The following ZNF48 variants were observed in gnomAD, a reference collection of about 807,000 sequenced individuals.
ZNF48 encodes zinc finger protein 48.
A neutral mutation model predicts 40.0 loss-of-function variants in ZNF48; 20 were observed. That is an observed-to-expected ratio of 0.50 (90% CI 0.35 to 0.73). The LOEUF is 0.73. Among genes scored for constraint, ZNF48 ranks in the 30% least tolerant of loss-of-function variants. ZNF48 has a pLI of 0.01. For missense variants in ZNF48, 726 were observed against 851.9 expected (o/e 0.85, Z 1.84); for synonymous variants, 298 against 329.7 (o/e 0.90, Z 1.04).
rs1332543196 is a variant in ZNF48, at chr16:30,400,081, C to T, written c.*974C>T. The T allele has an allele frequency of 6.6e-6, 1 of 152,184 alleles. No individual in the cohort carries two copies. Among genetic ancestry groups the T allele is most frequent in the Admixed American group, 6.5e-5 (1 of 15,272 alleles). 9.4% of individuals were successfully genotyped at this position (152,184 alleles called of 1,614,324 possible). On this transcript the variant is annotated 3_prime_UTR_variant, in exon 3 of 3. Coordinates refer to ENST00000613509, the MANE Select transcript of ZNF48 (RefSeq NM_001214909.2). ...GTGTGCTTCCCTTGCTCTCTGAGCC[C>T]ATTAAATAAAGAGGTTGTCTTGGCG...
chr16:30,391,186 T>G (rs2049939917), upstream of ZNF48, among the ~76,000 whole-genome samples: 3 of 152,126 alleles, frequency 2.0e-5, no homozygotes, highest in South Asian at 6.2e-4. Context: ...CTAGCACACA[T>G]TAGGTTTTCT....
In ZNF48 at chr16:30,381,394, T is replaced by C; in HGVS notation, c.-16+2984T>C. ...CAGCAGTGGACTCGGGAGTCCTGGA[T>C]GTTCTTCCGGTTCAGGCCACTCTCA... On this transcript the variant is annotated intron_variant, in intron 1 of 2. Coordinates refer to the ZNF48 transcript ENST00000528032. This position sits in a 1 kb window ranked among gnomAD's most constrained non-coding sequence, Gnocchi z 4.3. 1.2e-6 allele frequency: 2 copies of C among 1,613,410 alleles called. No homozygotes were observed. The highest frequency in any genetic ancestry group is 1.7e-6 in the Non-Finnish European group (2 of 1,179,882).
chr16:30,389,821 T>G (rs1318119253), intron 1 of ZNF48, among the ~76,000 whole-genome samples: 1 of 92,032 alleles, frequency 1.1e-5, no homozygotes, highest in African/African-American at 5.4e-5. Context: ...GATTAGTTTT[T>G]TTTTTTTTTT....
chr16:30,395,949 G>A lies in ZNF48; in HGVS notation c.79+76G>A, dbSNP rs1485416567. The A allele has an allele frequency of 1.5e-6, 2 of 1,374,654 alleles. No individual in the cohort carries two copies. Among genetic ancestry groups the A allele is most frequent in the Admixed American group, 2.5e-5 (1 of 40,656 alleles). The allele number at this position is 1,374,654 out of a possible 1,614,324, so 85.2% of individuals were successfully genotyped here. A position where few individuals can be genotyped will look rare whatever the true frequency, so the allele number is the denominator to read the frequency against. ...CTGCGATGCTTGGCTGTGGCCGGCC[G>A]AGATCCTGGAAGATCGGACGTGAGC... On this transcript the variant is annotated intron_variant, in intron 2 of 2. Transcript: ENST00000613509. The surrounding 1 kb of genome is among the most constrained non-coding windows in gnomAD (Gnocchi z 5.9).
Position 30,398,676 on chromosome 16 carries a change from G to A in ZNF48, c.1426G>A (p.Glu476Lys), listed in dbSNP as rs1343037254. 1 of 1,613,218 alleles carries A rather than the reference G, an allele frequency of 6.2e-7. No individual in the cohort carries two copies. Among genetic ancestry groups the A allele is most frequent in the East Asian group, 2.2e-5 (1 of 44,774 alleles). ...LVKHHRVHTGEKPYLCPECGK... is the reference protein window; with the variant it reads ...LVKHHRVHTGKKPYLCPECGK... Reference sequence around the variant, plus strand: ...GAAACACCATCGTGTGCACACAGGGGAGAAACCCTACCTCTGTCCTGAATG... The same window carrying A: ...GAAACACCATCGTGTGCACACAGGGAAGAAACCCTACCTCTGTCCTGAATG... The change falls in exon 3 of 3, where the codon GAG becomes AAG. Residue 476 changes from glutamate (E) to lysine (K), a missense_variant. Around this residue, in one of 5 missense-constraint regions of ZNF48, gnomAD observed 25 missense variants for 51.5 expected, o/e 0.49. Coordinates refer to ENST00000613509, the MANE Select transcript of ZNF48 (RefSeq NM_001214909.2). The surrounding 1 kb of genome is among the most constrained non-coding windows in gnomAD (Gnocchi z 6.6).
At chr16:30,387,996 T>C (rs2151114321) in intron 1 of ZNF48, among the ~76,000 whole-genome samples, 1 of 151,614 alleles carries the variant, frequency 6.6e-6, no homozygotes, top group South Asian at 2.1e-4. Context: ...GAGGGAGTTT[T>C]TCTCTTGTTG....
At position 30,382,043 on chromosome 16, in the gene ZNF48, G is replaced by A; in HGVS notation, c.-16+3633G>A. 6.3e-7 allele frequency: 1 copy of A among 1,586,538 alleles called. No homozygotes were observed. The highest frequency in any genetic ancestry group is 8.6e-7 in the Non-Finnish European group (1 of 1,163,212). ...GTCCCCAGATGGAAAAGACTAGGGT[G>A]TAACCTGGGGACAGGGGCTACTGCC... On this transcript the variant is annotated intron_variant, in intron 1 of 2. Coordinates refer to the ZNF48 transcript ENST00000528032. The surrounding 1 kb of genome is among the most constrained non-coding windows in gnomAD (Gnocchi z 4.8).
chr16:30,382,189 G>C lies in ZNF48; in HGVS notation c.-16+3779G>C, dbSNP rs779405190. The C allele has an allele frequency of 1.2e-6, 2 of 1,612,236 alleles. No individual in the cohort carries two copies. Among genetic ancestry groups the C allele is most frequent in the Non-Finnish European group, 1.7e-6 (2 of 1,179,080 alleles). On this transcript the variant is annotated intron_variant, in intron 1 of 2. Coordinates refer to the ZNF48 transcript ENST00000528032. The surrounding 1 kb of genome is among the most constrained non-coding windows in gnomAD (Gnocchi z 4.8). ...CCTAGGCCTGACTCCCCTGTGGACA[G>C]AACAGGCCCAACTGGTCAGGGGAGG...
chr16:30,398,265 G>C lies in ZNF48; in HGVS notation c.1015G>C (p.Gly339Arg), dbSNP rs756043690. 3.7e-6 allele frequency: 6 copies of C among 1,613,402 alleles called. No individual in the cohort carries two copies. The East Asian group carries it at 6.7e-5, about 18-fold the overall frequency. ...CTACCTCTGCCCAGAGTGCGGCAAAGGTTTCGCGGACAGCTCCGCCCGAGT... is the reference window on the plus strand; with the variant it reads ...CTACCTCTGCCCAGAGTGCGGCAAACGTTTCGCGGACAGCTCCGCCCGAGT... ...KPYLCPECGK[G>R]FADSSARVKH... Residue 339 changes from glycine to arginine, a missense_variant, in exon 3 of 3, where the codon GGT becomes CGT. This residue lies in a region of ZNF48 where 378 missense variants were observed against 449.1 expected (regional missense o/e 0.84). Transcript: ENST00000613509. The surrounding 1 kb of genome is among the most constrained non-coding windows in gnomAD (Gnocchi z 6.6).
Position 30,395,879 on chromosome 16 carries a change from G to A in ZNF48, c.79+6G>A. 1 of 1,526,014 alleles carries A rather than the reference G, an allele frequency of 6.6e-7. No individual in the cohort carries two copies. Among genetic ancestry groups the A allele is most frequent in the Non-Finnish European group, 8.8e-7 (1 of 1,139,184 alleles). 94.5% of individuals were successfully genotyped at this position (1,526,014 alleles called of 1,614,324 possible). A position where few individuals can be genotyped will look rare whatever the true frequency, so the allele number is the denominator to read the frequency against. ...ACAGAGAGGCGCCCGCACAGGTGAG[G>A]GCCTCGGCCGTGCGCCGCCACGGAC... On this transcript the variant is annotated splice_donor_region_variant and intron_variant, in intron 2 of 2. Transcript: ENST00000613509. The surrounding 1 kb of genome is among the most constrained non-coding windows in gnomAD (Gnocchi z 5.9).
At chr16:30,385,261 C>T (rs2049892616) in intron 1 of ZNF48, among the ~76,000 whole-genome samples, 3 of 151,424 alleles carry the variant, frequency 2.0e-5, no homozygotes. Flanking sequence ...ATCATGTTAC[C>T]TCTCAGCACT....
chr16:30,381,755 C>G lies in ZNF48; in HGVS notation c.-16+3345C>G. On this transcript the variant is annotated intron_variant, in intron 1 of 2. Coordinates refer to the ZNF48 transcript ENST00000528032. This position sits in a 1 kb window ranked among gnomAD's most constrained non-coding sequence, Gnocchi z 4.3. Reference sequence around the variant, plus strand: ...TGAGCCTCTGTCCCCTTTCCTCTTCCTCACCAGTCAGAGCAGTCCACTGAG... The same window carrying G: ...TGAGCCTCTGTCCCCTTTCCTCTTCGTCACCAGTCAGAGCAGTCCACTGAG... 4 of 1,613,858 alleles carry G rather than the reference C, an allele frequency of 2.5e-6. No homozygotes were observed. The highest frequency in any genetic ancestry group is 3.4e-6 in the Non-Finnish European group (4 of 1,179,890).
At chr16:30,379,831 T>G (rs957997176) in intron 1 of ZNF48, 2 of 715,076 alleles carry the variant, frequency 2.8e-6, no homozygotes, top group Non-Finnish European at 4.9e-6. Flanking sequence ...GGTCTGGAAC[T>G]CCTGACCTCA....
At chr16:30,386,707 C>T (rs1190989515) in intron 1 of ZNF48, among the ~76,000 whole-genome samples, 1 of 151,940 alleles carries the variant, frequency 6.6e-6, no homozygotes, top group Non-Finnish European at 1.5e-5. Context: ...TCTTGTTGTC[C>T]AAGCTGGAGT....
Position 30,398,810 on chromosome 16 carries a change from A to G in ZNF48, c.1560A>G (p.Pro520=). Residue 520 remains proline (P), a synonymous_variant, in exon 3 of 3, where the codon CCA becomes CCG. Coordinates refer to ENST00000613509, the MANE Select transcript of ZNF48 (RefSeq NM_001214909.2). The surrounding 1 kb of genome is among the most constrained non-coding windows in gnomAD (Gnocchi z 6.6). ...PPSTLLRPHN[P]PGPVPMAPRP... ...CCACTCTGCTGCGGCCACATAACCC[A>G]CCTGGCCCAGTACCCATGGCCCCTC... 1 of 1,613,292 alleles carries G rather than the reference A, an allele frequency of 6.2e-7. No homozygotes were observed. The highest frequency in any genetic ancestry group is 8.5e-7 in the Non-Finnish European group (1 of 1,179,922).
chr16:30,389,770 T>C (rs911018661), intron 1 of ZNF48, among the ~76,000 whole-genome samples: 1 of 140,772 alleles, frequency 7.1e-6, no homozygotes, highest in Non-Finnish European at 1.5e-5. Context: ...CAGTGTGTGG[T>C]GGACAGCTCT....
upstream of ZNF48, among the ~76,000 whole-genome samples, chr16:30,391,828 C>T (rs1003092953): frequency 2.9e-5 from 4 of 140,016 alleles, no homozygotes; most frequent in African/African-American, 8.0e-5. Flanking sequence ...TTTTCTTTCT[C>T]CTTTTTTTTT....
upstream of ZNF48, among the ~76,000 whole-genome samples, chr16:30,392,045 C>T (rs548549789): frequency 1.3e-5 from 2 of 152,106 alleles, no homozygotes; most frequent in East Asian, 1.9e-4. Flanking sequence ...TTTCCTGAGG[C>T]GGCGTATCGC....
upstream of ZNF48, chr16:30,395,244 C>T: frequency 2.2e-6 from 1 of 456,314 alleles, no homozygotes; most frequent in Non-Finnish European, 4.4e-6. This position sits in a 1 kb window ranked among gnomAD's most constrained non-coding sequence, Gnocchi z 5.9. Context: ...GCCCAGGAGG[C>T]ACACGGTTAA....
Sources: gnomAD v4.1 joint callset for allele counts (sites outside exome capture counted in the v4.1 genomes callset) on GRCh38, gnomAD v4.1.1 for gene constraint, gnomAD v4.1.1 regional missense constraint, Gnocchi (gnomAD v3.1) non-coding constraint, MANE v1.5 for transcripts, NCBI Gene and HGNC (gene_info 2026-07-23, HGNC 2026-07-21) for gene names.